MYADML2: variants seen among roughly 807,000 people sequenced by gnomAD.
MYADML2 encodes myeloid associated differentiation marker like 2, also known as myeloid-associated differentiation marker-like protein 2.
MYADML2 carries 17 observed loss-of-function variants against 16.0 expected under a neutral mutation model. The observed-to-expected ratio is 1.06, with a 90% CI of 0.73 to 1.60. MYADML2 has a LOEUF of 1.60. Among genes scored for constraint, MYADML2 ranks in the 40% most tolerant of loss-of-function variants. The pLI, the probability that MYADML2 is intolerant of heterozygous loss-of-function variation, is 0.00. For missense variants in MYADML2, 422 were observed against 437.7 expected (o/e 0.96, Z 0.32); for synonymous variants, 210 against 208.1 (o/e 1.01, Z -0.08).
rs1407168942 is a variant in MYADML2 at position 81,940,825 on chromosome 17, CT to C, written c.916del (p.Ser306AlafsTer110). ...GTGGGCTGCCACTGTGGGCTACAGG[CT>C]GGGCACGAAGCGAATCCTCTGGGAG... is the stretch of plus-strand genomic sequence containing the variant. ...AYSQRIRFVP[S>X]L On this transcript the variant is annotated frameshift_variant, in exon 3 of 3. Coordinates refer to ENST00000409745, the MANE Select transcript of MYADML2 (RefSeq NM_001145113.3). LOFTEE classifies it high-confidence loss of function. 1 of 1,501,240 alleles carries C rather than the reference CT, an allele frequency of 6.7e-7. No individual in the cohort carries two copies. The highest frequency in any genetic ancestry group is 2.1e-5 in the Admixed American group (1 of 48,118). The allele number at this position is 1,501,240 out of a possible 1,614,324, so 93.0% of individuals were successfully genotyped here.
rs551449635 is a variant in MYADML2 at position 81,940,501 on chromosome 17, G to A, written c.*317C>T. 2.8e-4 allele frequency: 89 copies of A among 315,738 alleles called. No homozygotes were observed. Among genetic ancestry groups the A allele is most frequent in the South Asian group, 2.6e-4 (3 of 11,330 alleles). The allele number at this position is 315,738 out of a possible 1,614,324, so 19.6% of individuals were successfully genotyped here. A position where few individuals can be genotyped will look rare whatever the true frequency, so the allele number is the denominator to read the frequency against. ...GGGTCACAACAGCAGCTGCTTTAAA[G>A]TTTTCCCTTATGATGTTCCAGTGAC... On this transcript the variant is annotated 3_prime_UTR_variant, in exon 3 of 3. Coordinates refer to ENST00000409745, the MANE Select transcript of MYADML2 (RefSeq NM_001145113.3).
rs150154051 is a variant in MYADML2, at chr17:81,940,945, T to A, written c.797A>T (p.Asn266Ile). Residue 266 changes from asparagine (N) to isoleucine (I), a missense_variant, in exon 3 of 3, where the codon AAC becomes ATC. Transcript: ENST00000409745. ...CCAGGGACAGCTGCCCCGAGCACAGTTGGGGGGCCGTTTGGGCTCACCGTA... is the reference window on the plus strand; with the variant it reads ...CCAGGGACAGCTGCCCCGAGCACAGATGGGGGGCCGTTTGGGCTCACCGTA... The part of the protein sequence containing the change: ...PKYGEPKRPP[N>I]CARGSCPWDS... 1.3e-6 allele frequency: 2 copies of A among 1,550,490 alleles called. No individual in the cohort carries two copies. Among genetic ancestry groups the A allele is most frequent in the South Asian group, 2.4e-5 (2 of 84,052 alleles).
chr17:81,944,374 A>G, intron 1 of MYADML2, among the ~76,000 whole-genome samples: 1 of 144,654 alleles, frequency 6.9e-6, no homozygotes, highest in East Asian at 2.0e-4. Flanking sequence ...TGAGATCGCA[A>G]CAGAGCGAGA....
rs1245138289 is a variant in MYADML2, at chr17:81,945,357, G to A, written c.-181+1702C>T. Among the ~76,000 whole-genome samples the A allele has an allele frequency of 5.3e-5, 8 of 152,208 alleles. No homozygotes were observed. In the South Asian group the frequency reaches 1.5e-3, roughly 28 times the overall value. On this transcript the variant is annotated intron_variant, in intron 1 of 2. Transcript: ENST00000409745. ...GATCGAGACCATCCTGGCTAACACA[G>A]TGAAACCCCATCTCTACTAAAAATA...
intron 1 of MYADML2, among the ~76,000 whole-genome samples, chr17:81,944,142 C>T (rs563122886): frequency 6.6e-6 from 1 of 151,916 alleles, no homozygotes; most frequent in African/African-American, 2.4e-5. Context: ...CAGTGGCTCA[C>T]ACTTGTAATC....
intron 1 of MYADML2, among the ~76,000 whole-genome samples, chr17:81,944,292 GCAGCTCC>G (rs983644529): frequency 1.8e-4 from 28 of 151,856 alleles, no homozygotes; most frequent in African/African-American, 6.8e-4. Flanking sequence ...CACCTGTAGG[GCAGCTCC>G]CAGCTCCTCG....
chr17:81,946,270 G>A (rs972014742), intron 1 of MYADML2, among the ~76,000 whole-genome samples: 3 of 152,076 alleles, frequency 2.0e-5, no homozygotes, highest in Middle Eastern at 3.4e-3. Flanking sequence ...CAGGAGAATC[G>A]CTTGAACCCG....
chr17:81,941,097 ACTCAGGG>A lies in MYADML2; in HGVS notation c.638_644del (p.Ala213ValfsTer2), dbSNP rs773431171. 2.6e-6 allele frequency: 4 copies of A among 1,550,088 alleles called. No homozygotes were observed. In the East Asian group the frequency reaches 9.8e-5, roughly 38 times the overall value. ...CCAGGCCCCCTGTGTGGCCCATCAC[ACTCAGGG>A]CCACCACGGCCACTGTGGCCAGGAA... On this transcript the variant is annotated frameshift_variant, in exon 3 of 3. Coordinates refer to ENST00000409745, the MANE Select transcript of MYADML2 (RefSeq NM_001145113.3). LOFTEE classifies it high-confidence loss of function.
chr17:81,943,885 A>G (rs1186602412), intron 1 of MYADML2, among the ~76,000 whole-genome samples: 7 of 148,882 alleles, frequency 4.7e-5, no homozygotes, highest in African/African-American at 2.5e-5. Context: ...GCTGAGGTGG[A>G]TGGATCACGA....
rs1396711680 is a variant in MYADML2, at chr17:81,945,354, A to G, written c.-181+1705T>C. Among the ~76,000 whole-genome samples, 15 of 152,250 alleles carry G rather than the reference A, an allele frequency of 9.9e-5. No individual in the cohort carries two copies. The East Asian group carries it at 1.5e-3, about 16-fold the overall frequency. On this transcript the variant is annotated intron_variant, in intron 1 of 2. Coordinates refer to ENST00000409745, the MANE Select transcript of MYADML2 (RefSeq NM_001145113.3). ...GGAGATCGAGACCATCCTGGCTAACACAGTGAAACCCCATCTCTACTAAAA... is the reference window on the plus strand; with the variant it reads ...GGAGATCGAGACCATCCTGGCTAACGCAGTGAAACCCCATCTCTACTAAAA...
rs2041317775 is a variant in MYADML2 at position 81,942,972 on chromosome 17, A to C, written c.-180-599T>G. 6.6e-6 allele frequency among the ~76,000 whole-genome samples: 1 copy of C among 151,776 alleles called. No individual in the cohort carries two copies. The highest frequency in any genetic ancestry group is 2.4e-5 in the African/African-American group (1 of 41,280). The stretch of plus-strand genomic sequence containing the variant: ...GTGATCCTCCTGCCTCAGCCTTTTT[A>C]TTTATTTACTTATTTATTTATTTAA... On this transcript the variant is annotated intron_variant, in intron 1 of 2. Coordinates refer to ENST00000409745, the MANE Select transcript of MYADML2 (RefSeq NM_001145113.3). The surrounding 1 kb of genome is among the most constrained non-coding windows in gnomAD (Gnocchi z 4.4).
intron 1 of MYADML2, among the ~76,000 whole-genome samples, chr17:81,945,984 C>T (rs2041341376): frequency 6.6e-6 from 1 of 152,092 alleles, no homozygotes; most frequent in South Asian, 2.1e-4. Flanking sequence ...GGCCAGAGGG[C>T]GGGTGACACC....
rs1210729720 is a variant in MYADML2, at chr17:81,940,507, C to T, written c.*311G>A. ...CAACAGCAGCTGCTTTAAAGTTTTC[C>T]CTTATGATGTTCCAGTGACCAGCAC... On this transcript the variant is annotated 3_prime_UTR_variant, in exon 3 of 3. Coordinates refer to ENST00000409745, the MANE Select transcript of MYADML2 (RefSeq NM_001145113.3). 9.0e-6 allele frequency: 3 copies of T among 332,142 alleles called. No homozygotes were observed. Among genetic ancestry groups the T allele is most frequent in the South Asian group, 8.3e-5 (1 of 12,004 alleles). The allele number at this position is 332,142 out of a possible 1,614,324, so 20.6% of individuals were successfully genotyped here. A position where few individuals can be genotyped will look rare whatever the true frequency, so the allele number is the denominator to read the frequency against.
Position 81,941,168 on chromosome 17 carries a change from C to T in MYADML2, c.574G>A (p.Val192Met), listed in dbSNP as rs2293097. 2,124 of 1,550,188 alleles carry T rather than the reference C, an allele frequency of 1.4e-3. 67 individuals are homozygous for T. The East Asian group carries it at 0.048, about 35-fold the overall frequency. ...ACGGCCACGCACCACTGGGTGGCCA[C>T]GTAGCGCCCGTAGCGGCTGTCATGG... Reference protein sequence around the residue: ...LVHDSRYGRYVATQWCVAVYS... With the variant: ...LVHDSRYGRYMATQWCVAVYS... Residue 192 changes from valine to methionine, a missense_variant, in exon 3 of 3, where the codon GTG (valine) becomes ATG (methionine). By Grantham distance (21) the Val-to-Met change is conservative. Transcript: ENST00000409745.
Position 81,940,846 on chromosome 17 carries a change from T to G in MYADML2, c.896A>C (p.Gln299Pro). The change falls in exon 3 of 3, where the codon CAG (glutamine) becomes CCG (proline). Residue 299 changes from glutamine (Q) to proline (P), a missense_variant. Physicochemically the swap from Gln to Pro is moderately conservative, Grantham distance 76. Transcript: ENST00000409745. ...CAGGCTGGGCACGAAGCGAATCCTC[T>G]GGGAGTAGGCGAGGTCAACGACGTA... is the stretch of plus-strand genomic sequence containing the variant. ...LLYVVDLAYS[Q>P]RIRFVPSL 6.6e-7 allele frequency: 1 copy of G among 1,518,614 alleles called. No homozygotes were observed. The highest frequency in any genetic ancestry group is 8.9e-7 in the Non-Finnish European group (1 of 1,127,650). The allele number at this position is 1,518,614 out of a possible 1,614,324, so 94.1% of individuals were successfully genotyped here.
intron 1 of MYADML2, among the ~76,000 whole-genome samples, chr17:81,945,289 C>T (rs186462114): frequency 7.2e-5 from 11 of 151,968 alleles, no homozygotes; most frequent in African/African-American, 1.9e-4. Flanking sequence ...CCTGTAATCC[C>T]AGCACTTTGG....
chr17:81,941,444 C>T lies in MYADML2; in HGVS notation c.298G>A (p.Ala100Thr), dbSNP rs531744096. 236 of 1,549,458 alleles carry T rather than the reference C, an allele frequency of 1.5e-4. 1 individual carries two copies. The East Asian group carries it at 4.5e-3, about 30-fold the overall frequency. Residue 100 changes from alanine (A) to threonine (T), a missense_variant, in exon 3 of 3, where the codon GCG becomes ACG. By Grantham distance (58) the Ala-to-Thr change is moderately conservative. Coordinates refer to ENST00000409745, the MANE Select transcript of MYADML2 (RefSeq NM_001145113.3). ...AFAMLATLLC[A>T]TAAVLYPLYF... ...AGCGGATACAGGACCGCAGCCGTCG[C>T]GCATAGCAGGGTGGCCAGCATGGCG...
intron 1 of MYADML2, among the ~76,000 whole-genome samples, chr17:81,943,890 T>TC (rs373203615): frequency 6.7e-6 from 1 of 148,482 alleles, no homozygotes; most frequent in African/African-American, 2.5e-5. Flanking sequence ...GGTGGATGGA[T>TC]CACGAGGTCA....
Position 81,940,655 on chromosome 17 carries a change from C to T in MYADML2, c.*163G>A. On this transcript the variant is annotated 3_prime_UTR_variant, in exon 3 of 3. Transcript: ENST00000409745. The stretch of plus-strand genomic sequence containing the variant: ...TGTCCTGCCCTTGTCCCTCTGAGCC[C>T]AGTCTGGAAGTCGGGGAGTGACCTC... 1 of 757,482 alleles carries T rather than the reference C, an allele frequency of 1.3e-6. No homozygotes were observed. Among genetic ancestry groups the T allele is most frequent in the East Asian group, 2.7e-5 (1 of 36,940 alleles). 46.9% of individuals were successfully genotyped at this position (757,482 alleles called of 1,614,324 possible). A position where few individuals can be genotyped will look rare whatever the true frequency, so the allele number is the denominator to read the frequency against.
Sources: allele counts gnomAD v4.1 joint callset (sites outside exome capture counted in the v4.1 genomes callset), GRCh38; gene constraint gnomAD v4.1.1; non-coding constraint Gnocchi (gnomAD v3.1); transcripts MANE v1.5; gene names NCBI Gene and HGNC (gene_info 2026-07-23, HGNC 2026-07-21).